The following REDIC1 variants were observed in gnomAD, a reference collection of about 807,000 sequenced individuals.
The protein encoded by REDIC1 is regulator of DNA class I crossover intermediates 1, also known as HEI10 Interacting Protein 1.
At chr12:39,773,143 G>A in the REDIC1 span, among the ~76,000 whole-genome samples, 2 of 152,168 alleles carry the variant, frequency 1.3e-5, no homozygotes, top group African/African-American at 2.4e-5. Flanking sequence ...TGTGGGCTGG[G>A]ATTAGAAAAA....
At chr12:39,711,459 A>G in the REDIC1 span, among the ~76,000 whole-genome samples, 1 of 144,822 alleles carries the variant, frequency 6.9e-6, no homozygotes. Flanking sequence ...ATATACACAT[A>G]TACACATACA....
the REDIC1 span, among the ~76,000 whole-genome samples, chr12:39,715,255 A>G: frequency 6.6e-6 from 1 of 151,924 alleles, no homozygotes; most frequent in East Asian, 1.9e-4. Context: ...GTAAGAGATG[A>G]GGATCGTTTC....
the REDIC1 span, chr12:39,864,656 G>A: frequency 2.1e-6 from 3 of 1,435,164 alleles, no homozygotes; most frequent in African/African-American, 4.3e-5. Flanking sequence ...CATAAGCCTG[G>A]ATGCCCAGCA....
chr12:39,795,636 A>C, the REDIC1 span, among the ~76,000 whole-genome samples: 1 of 152,120 alleles, frequency 6.6e-6, no homozygotes, highest in Admixed American at 6.6e-5. Context: ...ATTTCCAGAG[A>C]AGATTTACAT....
chr12:39,631,736 C>T, the REDIC1 span, among the ~76,000 whole-genome samples: 14 of 152,068 alleles, frequency 9.2e-5, no homozygotes, highest in African/African-American at 3.1e-4. Flanking sequence ...AGTATTTTCT[C>T]AGTTAATGTG....
chr12:39,688,270 T>G, the REDIC1 span, among the ~76,000 whole-genome samples: 4 of 152,204 alleles, frequency 2.6e-5, no homozygotes, highest in Admixed American at 6.5e-5. Context: ...AAGTTTGTTT[T>G]GGGTTATTAG....
chr12:39,702,537 C>G, the REDIC1 span, among the ~76,000 whole-genome samples: 1 of 152,076 alleles, frequency 6.6e-6, no homozygotes, highest in African/African-American at 2.4e-5. Flanking sequence ...CCTTCTGAAA[C>G]TATTCCAATC....
At chr12:39,797,110 T>G in the REDIC1 span, among the ~76,000 whole-genome samples, 4 of 152,206 alleles carry the variant, frequency 2.6e-5, no homozygotes, top group Non-Finnish European at 5.9e-5. Context: ...CAGTAAGTAC[T>G]GGTTAATGAA....
chr12:39,630,881 T>C, the REDIC1 span, among the ~76,000 whole-genome samples: 6 of 152,204 alleles, frequency 3.9e-5, no homozygotes, highest in Non-Finnish European at 7.3e-5. Flanking sequence ...GTGAACATCA[T>C]CCTAGTTTGC....
At chr12:39,839,856 A>G in the REDIC1 span, among the ~76,000 whole-genome samples, 1 of 152,128 alleles carries the variant, frequency 6.6e-6, no homozygotes, top group Admixed American at 6.6e-5. Context: ...AAGTGTCTCA[A>G]ACTCAACAAC....
the REDIC1 span, among the ~76,000 whole-genome samples, chr12:39,849,522 A>C: frequency 6.6e-6 from 1 of 152,178 alleles, no homozygotes; most frequent in East Asian, 1.9e-4. Flanking sequence ...TGAGGTGCTC[A>C]TGACTGCCTC....
the REDIC1 span, among the ~76,000 whole-genome samples, chr12:39,819,407 T>C: frequency 3.3e-5 from 5 of 152,172 alleles, no homozygotes; most frequent in African/African-American, 1.2e-4. Flanking sequence ...ATTTACAGAT[T>C]TACAGTCCAT....
chr12:39,759,981 T>TC, the REDIC1 span: 5 of 1,473,702 alleles, frequency 3.4e-6, no homozygotes, highest in South Asian at 2.3e-5. Flanking sequence ...GCTGTTCTTC[T>TC]CCCCCCAGTT....
chr12:39,675,054 C>T, the REDIC1 span, among the ~76,000 whole-genome samples: 1 of 152,100 alleles, frequency 6.6e-6, no homozygotes. Context: ...CACTGTGTGC[C>T]CATTGCCTGG....
chr12:39,849,048 G>A, the REDIC1 span, among the ~76,000 whole-genome samples: 3 of 151,886 alleles, frequency 2.0e-5, no homozygotes, highest in Non-Finnish European at 4.4e-5. Context: ...GGAGGGAGAG[G>A]AACAAAAAAG....
chr12:39,634,198 G>A, the REDIC1 span, among the ~76,000 whole-genome samples: 2 of 152,116 alleles, frequency 1.3e-5, no homozygotes, highest in African/African-American at 4.8e-5. Flanking sequence ...TAGTAATTGT[G>A]AATGGGAGTT....
chr12:39,697,632 GT>G, the REDIC1 span, among the ~76,000 whole-genome samples: 6 of 152,132 alleles, frequency 3.9e-5, no homozygotes, highest in African/African-American at 1.4e-4. Context: ...AAGGGGTAGA[GT>G]TTTTATTAGT....
the REDIC1 span, chr12:39,644,036 G>A: frequency 1.2e-6 from 1 of 825,430 alleles, no homozygotes; most frequent in Non-Finnish European, 1.8e-6. Flanking sequence ...TTAAAATTTG[G>A]TTGCTCTCTT....
chr12:39,703,299 CAG>C, the REDIC1 span, among the ~76,000 whole-genome samples: 11 of 150,534 alleles, frequency 7.3e-5, no homozygotes, highest in Non-Finnish European at 1.3e-4. Flanking sequence ...AACAGACAAA[CAG>C]AGAGCCAAAT....
Sources: allele counts gnomAD v4.1 joint callset (sites outside exome capture counted in the v4.1 genomes callset), GRCh38; gene constraint gnomAD v4.1.1; transcripts MANE v1.5; gene names NCBI Gene and HGNC (gene_info 2026-07-23, HGNC 2026-07-21).